Variants in PHACTR4 observed in about 807,000 individuals in gnomAD.
The protein encoded by PHACTR4 is phosphatase and actin regulator 4.
Under a neutral mutation model 72.7 loss-of-function variants are expected in PHACTR4, and 51 were observed. The ratio of observed to expected loss-of-function variants is 0.70; its 90% confidence interval spans 0.56 to 0.89. The LOEUF (loss-of-function observed/expected upper bound fraction) is 0.89, where lower values mean the gene tolerates loss of function less well. Among genes scored for constraint, PHACTR4 ranks in the 40% least tolerant of loss-of-function variants. The pLI is 0.00. For synonymous variants in PHACTR4, 255 were observed against 302.5 expected, an observed-to-expected ratio of 0.84 and a Z score of 1.63; for missense variants, 731 against 861.8, an observed-to-expected ratio of 0.85 and a Z score of 1.90.
chr1:28,464,697 G>A (rs1480835422), intron 4 of PHACTR4, among the ~76,000 whole-genome samples: 2 of 151,850 alleles, frequency 1.3e-5, no homozygotes, highest in Admixed American at 6.6e-5. Flanking sequence ...TGCCCTATTC[G>A]TTTGTCTTTT....
intron 1 of PHACTR4, among the ~76,000 whole-genome samples, chr1:28,387,259 C>CAAAAAA (rs11431699): frequency 1.0e-5 from 1 of 96,482 alleles, no homozygotes; most frequent in African/African-American, 3.6e-5. Context: ...GACCCTGTCT[C>CAAAAAA]AAAAAAAAAA....
At chr1:28,411,138 C>T (rs532470255) in intron 2 of PHACTR4, among the ~76,000 whole-genome samples, 32 of 150,500 alleles carry the variant, frequency 2.1e-4, no homozygotes, top group Non-Finnish European at 4.0e-4. Context: ...CCTCCGCCTC[C>T]TGGGTTCAAG....
intron 7 of PHACTR4, among the ~76,000 whole-genome samples, chr1:28,475,791 A>G (rs140857053): frequency 5.1e-4 from 74 of 146,506 alleles, no homozygotes; most frequent in African/African-American, 1.9e-3. Context: ...TAGTGGCACA[A>G]TCTCGGTTCA....
chr1:28,396,937 C>A (rs1256131814), intron 1 of PHACTR4, among the ~76,000 whole-genome samples: 1 of 150,196 alleles, frequency 6.7e-6, no homozygotes, highest in African/African-American at 2.5e-5. Context: ...GGGTGATCTA[C>A]CCGCCTCGGC....
chr1:28,417,180 TGTG>T (rs1655157937), intron 2 of PHACTR4, among the ~76,000 whole-genome samples: 1 of 152,178 alleles, frequency 6.6e-6, no homozygotes, highest in Non-Finnish European at 1.5e-5. Context: ...CCAGGGGTTT[TGTG>T]GACAATTTAA....
intron 3 of PHACTR4, 73 bp from the exon 4 acceptor site, chr1:28,460,139 A>G: frequency 1.0e-6 from 1 of 967,586 alleles, no homozygotes; most frequent in Non-Finnish European, 1.6e-6. Context: ...TTACCTGTAG[A>G]ATTAGAATGC....
At chr1:28,400,376 TA>T (rs60558818) in intron 1 of PHACTR4, among the ~76,000 whole-genome samples, 49,747 of 129,248 alleles carry the variant, frequency 0.38, 10,052 homozygotes, top group African/African-American at 0.57. Context: ...CCATCTCAAT[TA>T]AAAAAAAAAA....
At chr1:28,446,895 C>T (rs1657514512) in intron 2 of PHACTR4, among the ~76,000 whole-genome samples, 1 of 152,162 alleles carries the variant, frequency 6.6e-6, no homozygotes, top group Non-Finnish European at 1.5e-5. Context: ...CCTGCAGCTT[C>T]CCCCGAAGCC....
intron 4 of PHACTR4, among the ~76,000 whole-genome samples, chr1:28,460,515 T>C (rs984268739): frequency 6.6e-6 from 1 of 152,142 alleles, no homozygotes; most frequent in African/African-American, 2.4e-5. Context: ...GTGTCTTTTT[T>C]TTCCCCCCCT....
In PHACTR4 at chr1:28,457,790, A is replaced by G. The variant is rs928020337; in HGVS notation, c.17-1295A>G. The G allele has an allele frequency of 5.8e-5, 57 of 981,414 alleles. No homozygotes were observed. The African/African-American group carries it at 9.3e-4, about 16-fold the overall frequency. The allele number at this position is 981,414 out of a possible 1,614,324, so 60.8% of individuals were successfully genotyped here. ...AAAGTAGAGGTTCCACTTTAATTTC[A>G]GGATGGTTTTTCCACATGACTCTTT... is the stretch of plus-strand genomic sequence containing the variant. On this transcript the variant is annotated intron_variant, in intron 2 of 13. Transcript: ENST00000373839.
At chr1:28,392,866 G>A (rs1447798930) in intron 1 of PHACTR4, among the ~76,000 whole-genome samples, 1 of 151,856 alleles carries the variant, frequency 6.6e-6, no homozygotes, top group Non-Finnish European at 1.5e-5. Flanking sequence ...CTGTGAAATT[G>A]TGAAGACGAA....
intron 1 of PHACTR4, among the ~76,000 whole-genome samples, chr1:28,404,376 G>A (rs370768674): frequency 6.7e-6 from 1 of 148,158 alleles, no homozygotes; most frequent in Admixed American, 7.0e-5. Context: ...TCCGCCTCCT[G>A]GGTTCAAGCG....
intron 2 of PHACTR4, among the ~76,000 whole-genome samples, chr1:28,456,208 T>C (rs1658374371): frequency 6.6e-6 from 1 of 152,040 alleles, no homozygotes; most frequent in Non-Finnish European, 1.5e-5. Flanking sequence ...CTCAGGAAAC[T>C]TACAATCATG....
At chr1:28,407,678 T>C (rs1654455791) in intron 2 of PHACTR4, among the ~76,000 whole-genome samples, 1 of 152,212 alleles carries the variant, frequency 6.6e-6, no homozygotes, top group African/African-American at 2.4e-5. Context: ...TATTGATGTT[T>C]GCTGTATTAC....
chr1:28,459,367 G>T, intron 3 of PHACTR4, 109 bp downstream of exon 3: 32 of 806,416 alleles, frequency 4.0e-5, no homozygotes, highest in South Asian at 1.4e-4. Flanking sequence ...TTTGAAGAGG[G>T]TATTTAATGT....
rs569896689 is a variant in PHACTR4, at chr1:28,497,097, G to A, written c.*548G>A. The A allele has an allele frequency of 1.5e-4, 23 of 157,668 alleles. No individual in the cohort carries two copies. Among genetic ancestry groups the A allele is most frequent in the Admixed American group, 6.3e-4 (10 of 15,792 alleles). 9.8% of individuals were successfully genotyped at this position (157,668 alleles called of 1,614,324 possible). A position where few individuals can be genotyped will look rare whatever the true frequency, so the allele number is the denominator to read the frequency against. ...ATGAAAGCATTGCACTGTACCTCTC[G>A]TAACACAGCAATACAGTCCTCTTGA... On this transcript the variant is annotated 3_prime_UTR_variant, in exon 14 of 14. Transcript: ENST00000373839.
At chr1:28,432,467 C>T (rs1324883264) in intron 2 of PHACTR4, among the ~76,000 whole-genome samples, 1 of 148,658 alleles carries the variant, frequency 6.7e-6, no homozygotes, top group South Asian at 2.1e-4. Context: ...CATAGTGTGA[C>T]CCTGTCTCTA....
chr1:28,483,458 T>C (rs1180512331), intron 9 of PHACTR4, among the ~76,000 whole-genome samples: 1 of 149,964 alleles, frequency 6.7e-6, no homozygotes, highest in Non-Finnish European at 1.5e-5. Context: ...CAAAAAAAAG[T>C]AAAGAAAGAC....
chr1:28,446,259 A>G (rs1252246279), intron 2 of PHACTR4, among the ~76,000 whole-genome samples: 2 of 152,202 alleles, frequency 1.3e-5, no homozygotes, highest in Non-Finnish European at 2.9e-5. Context: ...TTGGACTACC[A>G]ACCAAAACTT....
Sources: gnomAD v4.1 joint callset for allele counts (sites outside exome capture counted in the v4.1 genomes callset) on GRCh38, gnomAD v4.1.1 for gene constraint, MANE v1.5 for transcripts, NCBI Gene and HGNC (gene_info 2026-07-23, HGNC 2026-07-21) for gene names.